The following SH2D4A variants were observed in gnomAD, a reference collection of about 807,000 sequenced individuals.
SH2D4A encodes the protein SH2 domain containing 4A.
Under a neutral mutation model 64.7 loss-of-function variants are expected in SH2D4A, and 70 were observed. The observed-to-expected ratio is 1.08, with a 90% CI of 0.89 to 1.32. SH2D4A has a LOEUF of 1.32. Among genes scored for constraint, SH2D4A ranks in the 40% most tolerant of loss-of-function variants. SH2D4A has a pLI of 0.00. For synonymous variants in SH2D4A, 268 were observed against 200.7 expected, an observed-to-expected ratio of 1.34 and a Z score of -2.83; for missense variants, 706 against 540.1, an observed-to-expected ratio of 1.31 and a Z score of -3.04.
At chr8:19,387,571 C>T (rs1227252847) in intron 8 of SH2D4A, among the ~76,000 whole-genome samples, 2 of 152,164 alleles carry the variant, frequency 1.3e-5, no homozygotes, top group Non-Finnish European at 2.9e-5. Flanking sequence ...ATTTTTGTAC[C>T]ATCACATGCT....
In SH2D4A at chr8:19,373,669, A is replaced by G. The variant is rs1042011568; in HGVS notation, c.1048+9A>G. On this transcript the variant is annotated intron_variant, in intron 8 of 9. Coordinates refer to ENST00000265807, the MANE Select transcript of SH2D4A (RefSeq NM_022071.4). ...AGCCCCCTGGTTCCATGGTGAGTGCAGAGATTTCCTCAATGGTGTTTCGTC... is the reference window on the plus strand; with the variant it reads ...AGCCCCCTGGTTCCATGGTGAGTGCGGAGATTTCCTCAATGGTGTTTCGTC... 3.1e-6 allele frequency: 5 copies of G among 1,612,496 alleles called. No homozygotes were observed. The highest frequency in any genetic ancestry group is 4.2e-6 in the Non-Finnish European group (5 of 1,179,230).
intron 4 of SH2D4A, among the ~76,000 whole-genome samples, chr8:19,354,624 T>C (rs765515262): frequency 2.6e-5 from 4 of 152,296 alleles, no homozygotes; most frequent in South Asian, 2.1e-4. Flanking sequence ...AAATGTAAGA[T>C]AATTTAAAGA....
At chr8:19,393,640 C>A in intron 9 of SH2D4A, 99 bp downstream of exon 9, 2 of 1,182,824 alleles carry the variant, frequency 1.7e-6, no homozygotes, top group Non-Finnish European at 2.4e-6. Context: ...GAGACAAGTA[C>A]TGGGGAGGGG....
intron 2 of SH2D4A, among the ~76,000 whole-genome samples, chr8:19,330,247 CCCT>C (rs2052348859): frequency 6.6e-6 from 1 of 152,138 alleles, no homozygotes; most frequent in South Asian, 2.1e-4. Flanking sequence ...AACAACTTCC[CCCT>C]CCTCCTACAG....
chr8:19,363,749 G>T (rs2052933546), intron 6 of SH2D4A: 4 of 364,896 alleles, frequency 1.1e-5, no homozygotes, highest in Non-Finnish European at 2.1e-5. Flanking sequence ...CCATGCTCAG[G>T]CGGGGGATCC....
chr8:19,342,144 G>A (rs1382618701), intron 4 of SH2D4A, among the ~76,000 whole-genome samples: 4 of 152,132 alleles, frequency 2.6e-5, no homozygotes. Context: ...AAATATCAGG[G>A]TTGGGTTTGG....
chr8:19,316,190 G>T (rs1250496580), intron 1 of SH2D4A, among the ~76,000 whole-genome samples: 2 of 152,236 alleles, frequency 1.3e-5, no homozygotes, highest in Non-Finnish European at 2.9e-5. Context: ...CCTGACCACA[G>T]ATAGTTGTCG....
intron 5 of SH2D4A, among the ~76,000 whole-genome samples, chr8:19,360,297 T>C (rs1413423596): frequency 1.3e-5 from 2 of 148,212 alleles, no homozygotes; most frequent in African/African-American, 4.9e-5. Context: ...ATTTTTCTGT[T>C]TTTTTTTTTT....
intron 8 of SH2D4A, among the ~76,000 whole-genome samples, chr8:19,379,828 C>G (rs1585204025): frequency 6.6e-6 from 1 of 152,164 alleles, no homozygotes; most frequent in Non-Finnish European, 1.5e-5. Flanking sequence ...TCTCAAACTC[C>G]TAGGCTCAAG....
At chr8:19,372,200 A>G (rs780786358) in intron 7 of SH2D4A, among the ~76,000 whole-genome samples, 2 of 152,188 alleles carry the variant, frequency 1.3e-5, no homozygotes, top group East Asian at 3.8e-4. Context: ...TTCTAAAGCA[A>G]CTTAGAATTC....
At chr8:19,388,157 GAGCCTAGTGGGTTAAAA>G (rs1178099926) in intron 8 of SH2D4A, among the ~76,000 whole-genome samples, 2 of 152,180 alleles carry the variant, frequency 1.3e-5, no homozygotes, top group Admixed American at 1.3e-4. Context: ...AAAATTCCAT[GAGCCTAGTGGGTTAAAA>G]AGCATAGTGA....
intron 7 of SH2D4A, among the ~76,000 whole-genome samples, 187 bp from the exon 8 acceptor site, chr8:19,373,341 CAT>C (rs1491139806): frequency 0.016 from 2,266 of 145,796 alleles, 41 homozygotes; most frequent in African/African-American, 0.043. Flanking sequence ...CCCACACACA[CAT>C]GTGTATATAT....
chr8:19,367,822 T>C (rs1343988063), intron 7 of SH2D4A, among the ~76,000 whole-genome samples: 1 of 152,092 alleles, frequency 6.6e-6, no homozygotes, highest in Non-Finnish European at 1.5e-5. Context: ...ATACCTATAA[T>C]CCCAGCACTT....
rs200199991 is a variant in SH2D4A at position 19,364,125 on chromosome 8, C to G, written c.760C>G (p.Arg254Gly). The stretch of plus-strand genomic sequence containing the variant: ...GAGACGCTCCTTGGCTAAACAAGCA[C>G]GAGAAGACTACAAGAGGTTATCCCT... The part of the protein sequence containing the change: ...EKRRSLAKQA[R>G]EDYKRLSLGA... The change falls in exon 7 of 10, where the codon CGA (arginine) becomes GGA (glycine). Residue 254 changes from arginine (R) to glycine (G), a missense_variant. Arg to Gly is a moderately radical substitution (Grantham distance 125). Transcript: ENST00000265807. 1.2e-6 allele frequency: 2 copies of G among 1,614,036 alleles called. No individual in the cohort carries two copies. The highest frequency in any genetic ancestry group is 1.7e-6 in the Non-Finnish European group (2 of 1,179,986).
At chr8:19,368,060 T>C (rs1171891822) in intron 7 of SH2D4A, among the ~76,000 whole-genome samples, 1 of 152,198 alleles carries the variant, frequency 6.6e-6, no homozygotes, top group Non-Finnish European at 1.5e-5. Flanking sequence ...GTAGGTAGTT[T>C]CATTCTTATA....
intron 8 of SH2D4A, among the ~76,000 whole-genome samples, chr8:19,383,445 C>T (rs867029634): frequency 6.0e-5 from 9 of 150,954 alleles, no homozygotes; most frequent in East Asian, 1.9e-4. Context: ...TTTGTGCATA[C>T]GTAAAGTCTT....
chr8:19,356,868 G>C (rs1438760032), intron 4 of SH2D4A, among the ~76,000 whole-genome samples: 1 of 152,246 alleles, frequency 6.6e-6, no homozygotes, highest in Admixed American at 6.5e-5. Context: ...TAAGCAAGAA[G>C]AGAATTTAAA....
chr8:19,315,048 G>A (rs1400622994), intron 1 of SH2D4A, among the ~76,000 whole-genome samples: 1 of 148,796 alleles, frequency 6.7e-6, no homozygotes, highest in East Asian at 2.0e-4. Flanking sequence ...TTATTAGGTC[G>A]GTGCAAAAGT....
chr8:19,314,446 T>G (rs563543475), intron 1 of SH2D4A, among the ~76,000 whole-genome samples: 1 of 152,176 alleles, frequency 6.6e-6, no homozygotes, highest in African/African-American at 2.4e-5. Flanking sequence ...TCCCTCGGGC[T>G]GCAGCGGCGG....
Sources: gnomAD v4.1 joint callset for allele counts (sites outside exome capture counted in the v4.1 genomes callset) on GRCh38, gnomAD v4.1.1 for gene constraint, MANE v1.5 for transcripts, NCBI Gene and HGNC (gene_info 2026-07-23, HGNC 2026-07-21) for gene names.